GABRA2: variants seen among roughly 807,000 people sequenced by gnomAD.
GABRA2 encodes the protein gamma-aminobutyric acid receptor subunit alpha-2.
In GABRA2, 16 loss-of-function variants were observed where a neutral mutation model predicts 48.7. The ratio of observed to expected loss-of-function variants is 0.33; its 90% confidence interval spans 0.22 to 0.50. The LOEUF (loss-of-function observed/expected upper bound fraction) is 0.50, where lower values mean the gene tolerates loss of function less well. Among genes scored for constraint, GABRA2 ranks in the 20% least tolerant of loss-of-function variants. The probability of loss-of-function intolerance (pLI) is 0.98; values close to 1 mark genes in which losing one functional copy is unlikely to be tolerated. For synonymous variants in GABRA2, 185 were observed against 184.5 expected (o/e 1.00, Z -0.02); for missense variants, 275 against 535.6 (o/e 0.51, Z 4.80).
At chr4:46,282,360 A>C (rs1721695044) in intron 8 of GABRA2, among the ~76,000 whole-genome samples, 2 of 152,172 alleles carry the variant, frequency 1.3e-5, no homozygotes, top group African/African-American at 4.8e-5. Context: ...CAAGAATGGG[A>C]CTTTGGGACG....
chr4:46,258,882 A>G (rs1057014209), intron 9 of GABRA2, among the ~76,000 whole-genome samples: 5 of 151,874 alleles, frequency 3.3e-5, no homozygotes, highest in Non-Finnish European at 4.4e-5. Context: ...AATGAAAAGG[A>G]AATTAGATTA....
chr4:46,272,508 G>T (rs1322604166), intron 8 of GABRA2, among the ~76,000 whole-genome samples: 1 of 151,902 alleles, frequency 6.6e-6, no homozygotes, highest in Non-Finnish European at 1.5e-5. Flanking sequence ...AGCAAAGCCA[G>T]ATAAGCTCTC....
At chr4:46,367,631 T>C (rs371164409) in intron 3 of GABRA2, 2 of 152,138 alleles carry the variant, frequency 1.3e-5, no homozygotes, top group African/African-American at 4.8e-5. Flanking sequence ...AAGTTGACTA[T>C]ATCCAAAAAA....
intron 8 of GABRA2, among the ~76,000 whole-genome samples, chr4:46,262,854 G>A (rs571019227): frequency 2.6e-5 from 4 of 151,506 alleles, no homozygotes; most frequent in African/African-American, 9.7e-5. Flanking sequence ...CCGAGATCAC[G>A]ATGCTACACT....
rs1248270128 is a variant in GABRA2, at chr4:46,247,192, A to C, written c.*3116T>G. Reference sequence around the variant, plus strand: ...CTAAACATTAAGATTGGCACTTAATAAAATCATTAAAATTTAAAAAATATA... The same window carrying C: ...CTAAACATTAAGATTGGCACTTAATCAAATCATTAAAATTTAAAAAATATA... On this transcript the variant is annotated 3_prime_UTR_variant, in exon 10 of 10. Transcript: ENST00000381620. Among the ~76,000 whole-genome samples, 9 of 151,234 alleles carry C rather than the reference A, an allele frequency of 6.0e-5. No homozygotes were observed.
chr4:46,389,518 G>T, intron 1 of GABRA2: 1 of 572,980 alleles, frequency 1.7e-6, no homozygotes, highest in Non-Finnish European at 2.2e-6. Context: ...GTGCTGCCGA[G>T]CAGGTGTCCT....
chr4:46,307,791 C>A (rs73131391), intron 6 of GABRA2, among the ~76,000 whole-genome samples: 7,778 of 152,194 alleles, frequency 0.051, 678 homozygotes, highest in African/African-American at 0.18. Context: ...GCAGTTACTG[C>A]ACTTCATTAT....
At chr4:46,294,261 A>C (rs1724221829) in intron 8 of GABRA2, among the ~76,000 whole-genome samples, 2 of 152,204 alleles carry the variant, frequency 1.3e-5, no homozygotes, top group South Asian at 2.1e-4. Context: ...AAATACACTG[A>C]ACTTGCTTGC....
chr4:46,249,298 C>T lies in GABRA2; in HGVS notation c.*1010G>A, dbSNP rs1233342885. 1.3e-5 allele frequency: 2 copies of T among 151,368 alleles called. No homozygotes were observed. Among genetic ancestry groups the T allele is most frequent in the African/African-American group, 4.8e-5 (2 of 41,318 alleles). 9.4% of individuals were successfully genotyped at this position (151,368 alleles called of 1,614,324 possible). ...CTGCCCTTTCCTTTATAATTAGTGG[C>T]TTCTGAGTCTTGAAAAGAAGCCTTA... On this transcript the variant is annotated 3_prime_UTR_variant, in exon 10 of 10. Transcript: ENST00000381620.
intron 8 of GABRA2, among the ~76,000 whole-genome samples, chr4:46,297,831 T>C (rs1725032806): frequency 6.6e-6 from 1 of 152,020 alleles, no homozygotes; most frequent in Non-Finnish European, 1.5e-5. Flanking sequence ...TTTAGAGTGT[T>C]ATTTGAGATC....
At chr4:46,313,433 G>T (rs1728016886) in intron 4 of GABRA2, among the ~76,000 whole-genome samples, 1 of 151,946 alleles carries the variant, frequency 6.6e-6, no homozygotes, top group South Asian at 2.1e-4. Context: ...CAAGTTTTTA[G>T]AATACTTAAA....
chr4:46,351,572 GAGACA>G (rs1202700982), intron 3 of GABRA2, among the ~76,000 whole-genome samples: 5 of 151,870 alleles, frequency 3.3e-5, no homozygotes, highest in Non-Finnish European at 4.4e-5. Flanking sequence ...AAAAAGTAGA[GAGACA>G]AGAAATATAT....
chr4:46,285,313 T>C (rs1722345642), intron 8 of GABRA2, among the ~76,000 whole-genome samples: 1 of 152,136 alleles, frequency 6.6e-6, no homozygotes, highest in Non-Finnish European at 1.5e-5. Context: ...ATACAAAATT[T>C]ATATTCAAAT....
At chr4:46,383,215 A>T (rs759751755) in intron 3 of GABRA2, among the ~76,000 whole-genome samples, 1 of 152,174 alleles carries the variant, frequency 6.6e-6, no homozygotes, top group African/African-American at 2.4e-5. Flanking sequence ...ATTCATAAAA[A>T]ATTTAAGAAT....
At chr4:46,256,081 T>G in intron 9 of GABRA2, 1 of 438,108 alleles carries the variant, frequency 2.3e-6, no homozygotes, top group Non-Finnish European at 4.1e-6. Context: ...CTTTTTACAG[T>G]TATTGTGGCT....
intron 6 of GABRA2, among the ~76,000 whole-genome samples, chr4:46,308,257 G>A (rs912101771): frequency 6.6e-6 from 1 of 152,022 alleles, no homozygotes; most frequent in Non-Finnish European, 1.5e-5. Flanking sequence ...AAAATTTAAA[G>A]GTATGCGGCA....
intron 3 of GABRA2, among the ~76,000 whole-genome samples, chr4:46,360,306 T>C (rs1419806834): frequency 1.3e-5 from 2 of 152,214 alleles, no homozygotes; most frequent in East Asian, 1.9e-4. Flanking sequence ...CCCAGTTTTC[T>C]TGGGAGGAAT....
intron 4 of GABRA2, 35 bp from the exon 5 acceptor site, chr4:46,312,751 A>G: frequency 8.9e-7 from 1 of 1,127,004 alleles, no homozygotes; most frequent in Non-Finnish European, 1.3e-6. Context: ...TGAAAATAGT[A>G]AATGTTGTAG....
intron 3 of GABRA2, among the ~76,000 whole-genome samples, chr4:46,350,467 A>G (rs2109903991): frequency 6.6e-6 from 1 of 151,954 alleles, no homozygotes; most frequent in East Asian, 1.9e-4. Context: ...TCTTTGTTCT[A>G]TATCATACAT....
Sources: allele counts gnomAD v4.1 joint callset (sites outside exome capture counted in the v4.1 genomes callset), GRCh38; gene constraint gnomAD v4.1.1; transcripts MANE v1.5; gene names NCBI Gene and HGNC (gene_info 2026-07-23, HGNC 2026-07-21).